The following TCN2 variants were observed in gnomAD, a reference collection of about 807,000 sequenced individuals.
TCN2 encodes the protein transcobalamin 2, also known as transcobalamin-2.
A neutral mutation model predicts 48.6 loss-of-function variants in TCN2; 34 were observed. The observed-to-expected ratio is 0.70, with a 90% CI of 0.53 to 0.93. TCN2 has a LOEUF of 0.93. Among genes scored for constraint, TCN2 ranks in the 40% least tolerant of loss-of-function variants. The pLI, the probability that TCN2 is intolerant of heterozygous loss-of-function variation, is 0.00. For missense variants in TCN2, 652 were observed against 526.1 expected (o/e 1.24, Z -2.34); for synonymous variants, 283 against 212.5 (o/e 1.33, Z -2.89).
intron 7 of TCN2, among the ~76,000 whole-genome samples, chr22:30,621,155 G>A (rs746542603): frequency 6.6e-6 from 1 of 151,948 alleles, no homozygotes; most frequent in Non-Finnish European, 1.5e-5. Flanking sequence ...ATCACACCTG[G>A]CTAGTTTTTG....
intron 4 of TCN2, 92 bp from the exon 5 acceptor site, chr22:30,615,209 T>A (rs187429858): frequency 1.1e-5 from 16 of 1,393,918 alleles, no homozygotes; most frequent in Non-Finnish European, 1.6e-5. Flanking sequence ...CCTGTGGTTG[T>A]CCATAGCTAC....
Position 30,613,058 on chromosome 22 carries a change from C to T in TCN2, c.427+16C>T. ...AGAGCCATTGGTGAGCAGACACCAT[C>T]CGCTGGGGGTGGGGAGCAGCTGGGA... On this transcript the variant is annotated intron_variant, in intron 3 of 8. Coordinates refer to ENST00000215838, the MANE Select transcript of TCN2 (RefSeq NM_000355.4). 1 of 1,613,416 alleles carries T rather than the reference C, an allele frequency of 6.2e-7. No individual in the cohort carries two copies. Among genetic ancestry groups the T allele is most frequent in the Non-Finnish European group, 8.5e-7 (1 of 1,179,682 alleles).
chr22:30,615,871 C>G, intron 6 of TCN2, 84 bp downstream of exon 6: 1 of 1,558,860 alleles, frequency 6.4e-7, no homozygotes, highest in Non-Finnish European at 8.8e-7. Context: ...GTTGCTTCAT[C>G]CTGATTTGCT....
At chr22:30,609,413 C>T (rs190112261) in intron 1 of TCN2, among the ~76,000 whole-genome samples, 14 of 152,230 alleles carry the variant, frequency 9.2e-5, no homozygotes, top group African/African-American at 3.4e-4. Context: ...TCTGCCTGGC[C>T]CCTTCCTTCT....
In TCN2 at chr22:30,615,591, C is replaced by G; in HGVS notation, c.754-10C>G. ...TGACTTCCTCTCTCTCTTCCTCACTCTATCACCAGTTCCTCATGACTTCCC... is the reference window on the plus strand; with the variant it reads ...TGACTTCCTCTCTCTCTTCCTCACTGTATCACCAGTTCCTCATGACTTCCC... On this transcript the variant is annotated splice_polypyrimidine_tract_variant and intron_variant, in intron 5 of 8. Transcript: ENST00000215838. 1 of 1,614,148 alleles carries G rather than the reference C, an allele frequency of 6.2e-7. No homozygotes were observed. Among genetic ancestry groups the G allele is most frequent in the Non-Finnish European group, 8.5e-7 (1 of 1,180,020 alleles).
chr22:30,615,938 G>C (rs1194211842), intron 6 of TCN2, 151 bp downstream of exon 6: 2 of 882,446 alleles, frequency 2.3e-6, no homozygotes, highest in African/African-American at 3.3e-5. Flanking sequence ...TGTGGTCATA[G>C]CTTCTAGAAG....
rs187112934 is a variant in TCN2 at position 30,623,220 on chromosome 22, G to A, written c.1222+137G>A. On this transcript the variant is annotated intron_variant, in intron 8 of 8. Coordinates refer to ENST00000215838, the MANE Select transcript of TCN2 (RefSeq NM_000355.4). ...ACAAAATCACTGATGCTCAAAGTTG[G>A]ATATAATATATTGAACTGAAGCCTT... The A allele has an allele frequency of 4.9e-5, 37 of 755,084 alleles. No individual in the cohort carries two copies. In the East Asian group the frequency reaches 1.0e-3, roughly 20 times the overall value. The allele number at this position is 755,084 out of a possible 1,614,324, so 46.8% of individuals were successfully genotyped here. A position where few individuals can be genotyped will look rare whatever the true frequency, so the allele number is the denominator to read the frequency against.
chr22:30,620,304 T>G (rs951808290), intron 7 of TCN2, among the ~76,000 whole-genome samples: 1 of 152,184 alleles, frequency 6.6e-6, no homozygotes, highest in African/African-American at 2.4e-5. Flanking sequence ...ACAAAAAAAG[T>G]CCTTTCTCTT....
intron 1 of TCN2, among the ~76,000 whole-genome samples, chr22:30,607,630 C>T (rs761126610): frequency 3.9e-5 from 6 of 152,172 alleles, no homozygotes; most frequent in Non-Finnish European, 7.3e-5. Context: ...GCATACTGAG[C>T]CTTTTCTGTG....
chr22:30,618,240 A>G (rs1199223775), intron 7 of TCN2, among the ~76,000 whole-genome samples: 1 of 148,300 alleles, frequency 6.7e-6, no homozygotes, highest in South Asian at 2.1e-4. Context: ...GCGAGCCATC[A>G]TGCTCAGCCA....
At chr22:30,609,620 G>C (rs1280349525) in intron 1 of TCN2, among the ~76,000 whole-genome samples, 1 of 152,182 alleles carries the variant, frequency 6.6e-6, no homozygotes, top group Non-Finnish European at 1.5e-5. Flanking sequence ...GACACAGGCT[G>C]AGAGAGACTG....
At chr22:30,607,459 A>G in intron 1 of TCN2, 64 bp downstream of exon 1, 1 of 1,592,204 alleles carries the variant, frequency 6.3e-7, no homozygotes, top group South Asian at 1.1e-5. Flanking sequence ...TGGCTAGGGC[A>G]TAGGATGAGG....
intron 7 of TCN2, among the ~76,000 whole-genome samples, chr22:30,620,039 C>T (rs750115139): frequency 6.6e-6 from 1 of 152,082 alleles, no homozygotes; most frequent in African/African-American, 2.4e-5. Context: ...CACCTATAAT[C>T]CTAGCTACCC....
chr22:30,610,161 A>G (rs2087514579), intron 1 of TCN2: 1 of 467,752 alleles, frequency 2.1e-6, no homozygotes. Flanking sequence ...CCACAGCAAC[A>G]GGTAAACGGC....
rs1325745251 is a variant in TCN2 at position 30,617,429 on chromosome 22, T to C, written c.1040T>C (p.Ile347Thr). Residue 347 changes from isoleucine to threonine, a missense_variant, in exon 7 of 9, where the codon ATC becomes ACC. By Grantham distance (89) the Ile-to-Thr change is moderately conservative (BLOSUM62 -1). Coordinates refer to ENST00000215838, the MANE Select transcript of TCN2 (RefSeq NM_000355.4). ...LSLLPPYRQSISVLAGSTVED... is the reference protein window; with the variant it reads ...LSLLPPYRQSTSVLAGSTVED... ...CTCTTGCCGCCGTACAGACAGTCCA[T>C]CTCTGTTCTGGCCGGGTCCACCGTG... 4 of 1,613,904 alleles carry C rather than the reference T, an allele frequency of 2.5e-6. No homozygotes were observed. The highest frequency in any genetic ancestry group is 3.4e-6 in the Non-Finnish European group (4 of 1,180,008).
At chr22:30,623,399 C>T (rs2087727814) in intron 8 of TCN2, 1 of 301,488 alleles carries the variant, frequency 3.3e-6, no homozygotes, top group Non-Finnish European at 6.4e-6. Flanking sequence ...GTTGCCCAGG[C>T]TGGAGTGCAG....
chr22:30,612,928 C>A lies in TCN2; in HGVS notation c.313C>A (p.Leu105Met). ...CCAGGGCAAGCCTTCCATGGGCCAG[C>A]TGGCCCTCTACCTGCTCGCTCTCAG... ...DCQGKPSMGQ[L>M]ALYLLALRAN... The change falls in exon 3 of 9, where the codon CTG becomes ATG. Residue 105 changes from leucine to methionine, a missense_variant. Leu to Met is a conservative substitution (Grantham distance 15, BLOSUM62 2). Coordinates refer to ENST00000215838, the MANE Select transcript of TCN2 (RefSeq NM_000355.4). 6.2e-7 allele frequency: 1 copy of A among 1,614,214 alleles called. No homozygotes were observed. Among genetic ancestry groups the A allele is most frequent in the East Asian group, 2.2e-5 (1 of 44,892 alleles).
Position 30,618,380 on chromosome 22 carries a change from C to T in TCN2, c.1106+885C>T, listed in dbSNP as rs556012604. ...TTATTTATTTATTTCGAGACAGAGCCTCTCTCTTTCACCTAGGCTGGAGTG... is the reference window on the plus strand; with the variant it reads ...TTATTTATTTATTTCGAGACAGAGCTTCTCTCTTTCACCTAGGCTGGAGTG... On this transcript the variant is annotated intron_variant, in intron 7 of 8. Coordinates refer to ENST00000215838, the MANE Select transcript of TCN2 (RefSeq NM_000355.4). 1.2e-3 allele frequency among the ~76,000 whole-genome samples: 185 copies of T among 152,068 alleles called. 1 individual carries two copies. Among genetic ancestry groups the T allele is most frequent in the African/African-American group, 4.0e-3 (167 of 41,482 alleles).
intron 1 of TCN2, among the ~76,000 whole-genome samples, chr22:30,608,381 G>A (rs1356152261): frequency 6.6e-6 from 1 of 152,010 alleles, no homozygotes; most frequent in African/African-American, 2.4e-5. Context: ...TTGAAGCCTC[G>A]TTTGTTTTCG....
Sources: allele counts gnomAD v4.1 joint callset (sites outside exome capture counted in the v4.1 genomes callset), GRCh38; gene constraint gnomAD v4.1.1; transcripts MANE v1.5; gene names NCBI Gene and HGNC (gene_info 2026-07-23, HGNC 2026-07-21).